Variants in AAMDC observed in about 807,000 individuals in gnomAD.
The protein encoded by AAMDC is adipogenesis associated Mth938 domain containing, also known as mth938 domain-containing protein.
In AAMDC, 16 loss-of-function variants were observed where a neutral mutation model predicts 15.5. The observed-to-expected ratio is 1.03, with a 90% CI of 0.70 to 1.57. The LOEUF (loss-of-function observed/expected upper bound fraction) is 1.57. Among genes scored for constraint, AAMDC ranks in the 40% most tolerant of loss-of-function variants. The probability of loss-of-function intolerance (pLI) is 0.00; values close to 1 mark genes in which losing one functional copy is unlikely to be tolerated. For missense variants in AAMDC, 141 were observed against 144.9 expected (o/e 0.97, Z 0.14); for synonymous variants, 51 against 51.6 (o/e 0.99, Z 0.05).
intron 1 of AAMDC, among the ~76,000 whole-genome samples, chr11:77,825,042 G>T (rs868421299): frequency 6.6e-6 from 1 of 152,002 alleles, no homozygotes; most frequent in African/African-American, 2.4e-5. Context: ...GTGCAGTGAC[G>T]CGATCTCAGC....
downstream of AAMDC, among the ~76,000 whole-genome samples, chr11:77,905,024 TAC>T (rs973610351): frequency 1.2e-4 from 18 of 152,222 alleles, no homozygotes; most frequent in African/African-American, 4.3e-4. Flanking sequence ...TATTTTGTTT[TAC>T]ACATTGAGGG....
Position 77,841,252 on chromosome 11 carries a change from G to A in AAMDC, c.-18-1227G>A, listed in dbSNP as rs1299318845. On this transcript the variant is annotated intron_variant, in intron 1 of 3. Transcript: ENST00000393427. ...CCCACCTCTTAATGTTGTTATAATG[G>A]CAGTTAAATTTAAACATGAGTTTGG... is the stretch of plus-strand genomic sequence containing the variant. 10 of 702,090 alleles carry A rather than the reference G, an allele frequency of 1.4e-5. No individual in the cohort carries two copies. The Admixed American group carries it at 2.0e-4, about 14-fold the overall frequency. The allele number at this position is 702,090 out of a possible 1,614,324, so 43.5% of individuals were successfully genotyped here.
At chr11:77,845,801 A>G (rs1289053721) in intron 2 of AAMDC, among the ~76,000 whole-genome samples, 1 of 152,124 alleles carries the variant, frequency 6.6e-6, no homozygotes, top group African/African-American at 2.4e-5. Flanking sequence ...AGATATTGTT[A>G]TACTTTCCTT....
At chr11:77,849,641 G>C (rs561359924) in intron 2 of AAMDC, among the ~76,000 whole-genome samples, 3 of 151,984 alleles carry the variant, frequency 2.0e-5, no homozygotes, top group Admixed American at 2.0e-4. Flanking sequence ...CTGTTTTTTT[G>C]TGTGTTTTTT....
At chr11:77,873,893 CCCCAG>C (rs1951524836), downstream of AAMDC, among the ~76,000 whole-genome samples, 1 of 152,216 alleles carries the variant, frequency 6.6e-6, no homozygotes. Context: ...AATCGCTCCA[CCCCAG>C]CCATCACTGG....
At chr11:77,878,377 A>T (rs1025251721) in intron 5 of AAMDC, among the ~76,000 whole-genome samples, 1 of 151,746 alleles carries the variant, frequency 6.6e-6, no homozygotes, top group African/African-American at 2.4e-5. Flanking sequence ...AAAAAAAAAA[A>T]TTTCCTCAAA....
intron 2 of AAMDC, among the ~76,000 whole-genome samples, chr11:77,857,349 CA>C (rs1044797229): frequency 6.6e-6 from 1 of 152,082 alleles, no homozygotes; most frequent in African/African-American, 2.4e-5. Context: ...AGCTTACTGG[CA>C]GGAAAAACAT....
At chr11:77,838,807 G>A (rs1190931923) in intron 1 of AAMDC, among the ~76,000 whole-genome samples, 6 of 151,882 alleles carry the variant, frequency 4.0e-5, no homozygotes, top group South Asian at 4.2e-4. Context: ...TAGTAGAGAC[G>A]GAGTTTCACC....
At chr11:77,857,811 C>T (rs970233184) in intron 2 of AAMDC, among the ~76,000 whole-genome samples, 2 of 151,706 alleles carry the variant, frequency 1.3e-5, no homozygotes, top group African/African-American at 4.8e-5. Context: ...ATTCTCCTGC[C>T]TCAGCCTCCC....
rs79175300 is a variant in AAMDC at position 77,871,511 on chromosome 11, T to C, written c.229-664T>C. ...ACGCAGTGAGGAAAATGGTGACTTATGCTGGGCTAGTAGGGGGTGGGCAAG... is the reference window on the plus strand; with the variant it reads ...ACGCAGTGAGGAAAATGGTGACTTACGCTGGGCTAGTAGGGGGTGGGCAAG... On this transcript the variant is annotated intron_variant, in intron 3 of 3. Coordinates refer to ENST00000393427, the MANE Select transcript of AAMDC (RefSeq NM_024684.4). 2.2e-3 allele frequency among the ~76,000 whole-genome samples: 341 copies of C among 152,336 alleles called. 1 individual carries two copies. The highest frequency in any genetic ancestry group is 7.7e-3 in the African/African-American group (319 of 41,574).
chr11:77,847,684 T>C (rs146613297), intron 2 of AAMDC, among the ~76,000 whole-genome samples: 4 of 152,316 alleles, frequency 2.6e-5, no homozygotes, highest in Non-Finnish European at 5.9e-5. Flanking sequence ...GTGTGGTTAA[T>C]AGAGCATCTA....
At chr11:77,827,689 C>T (rs773365488) in intron 1 of AAMDC, among the ~76,000 whole-genome samples, 2 of 152,182 alleles carry the variant, frequency 1.3e-5, no homozygotes, top group Non-Finnish European at 2.9e-5. Context: ...AAACTAATTC[C>T]TCCCTCCTAA....
At chr11:77,827,096 C>T (rs1162243255) in intron 1 of AAMDC, among the ~76,000 whole-genome samples, 1 of 131,612 alleles carries the variant, frequency 7.6e-6, no homozygotes, top group Non-Finnish European at 1.6e-5. Flanking sequence ...CAGAGCGAAA[C>T]TCGTCTCAAA....
chr11:77,857,314 G>A (rs1412193252), intron 2 of AAMDC, among the ~76,000 whole-genome samples: 1 of 152,166 alleles, frequency 6.6e-6, no homozygotes, highest in Non-Finnish European at 1.5e-5. Context: ...TGAAGGAGAA[G>A]TTTCCCAGGT....
intron 1 of AAMDC, among the ~76,000 whole-genome samples, chr11:77,839,012 G>A (rs1395712195): frequency 6.6e-6 from 1 of 152,136 alleles, no homozygotes; most frequent in Non-Finnish European, 1.5e-5. Context: ...TATTTGCTGA[G>A]TCATTGTTAC....
At chr11:77,832,110 A>G (rs1057323897) in intron 1 of AAMDC, 3 of 152,000 alleles carry the variant, frequency 2.0e-5, no homozygotes, top group Non-Finnish European at 4.4e-5. Context: ...TGACATACCT[A>G]TGATATCCAC....
intron 1 of AAMDC, among the ~76,000 whole-genome samples, chr11:77,826,471 C>T (rs923024988): frequency 6.6e-6 from 1 of 152,120 alleles, no homozygotes; most frequent in East Asian, 1.9e-4. Flanking sequence ...GGATAATCAT[C>T]GGCAGTTTGA....
At chr11:77,845,242 G>A (rs181228097) in intron 2 of AAMDC, among the ~76,000 whole-genome samples, 75 of 152,092 alleles carry the variant, frequency 4.9e-4, no homozygotes, top group Middle Eastern at 6.8e-3. Flanking sequence ...ATTGATAGGC[G>A]TTAGGGTGTC....
At chr11:77,891,503 C>T in intron 5 of AAMDC, 1 of 1,609,306 alleles carries the variant, frequency 6.2e-7, no homozygotes, top group Non-Finnish European at 8.5e-7. Context: ...AAAGCCAGGT[C>T]ATTCCTGGAT....
Sources: allele counts gnomAD v4.1 joint callset (sites outside exome capture counted in the v4.1 genomes callset), GRCh38; gene constraint gnomAD v4.1.1; transcripts MANE v1.5; gene names NCBI Gene and HGNC (gene_info 2026-07-23, HGNC 2026-07-21).